Variants in SAG observed in about 807,000 individuals in gnomAD.
SAG encodes S-antigen visual arrestin.
A neutral mutation model predicts 55.0 loss-of-function variants in SAG; 45 were observed. That is an observed-to-expected ratio of 0.82 (90% CI 0.64 to 1.05). The LOEUF (loss-of-function observed/expected upper bound fraction) is 1.05. Ranked by LOEUF, SAG falls within the 50% of genes least tolerant of loss-of-function variation. The pLI is 0.00. For missense variants in SAG, 455 were observed against 512.1 expected, an observed-to-expected ratio of 0.89 and a Z score of 1.08; for synonymous variants, 189 against 197.4, an observed-to-expected ratio of 0.96 and a Z score of 0.36.
intron 2 of SAG, among the ~76,000 whole-genome samples, chr2:233,313,369 G>T (rs533232217): frequency 6.6e-6 from 1 of 152,330 alleles, no homozygotes; most frequent in African/African-American, 2.4e-5. Context: ...TGTTAGAGAG[G>T]ATGCTCTCAG....
intron 5 of SAG, among the ~76,000 whole-genome samples, chr2:233,321,986 TACACACACACACACACACACACACAC>T (rs57822347): frequency 1.1e-4 from 15 of 133,264 alleles, no homozygotes; most frequent in South Asian, 2.5e-4. Context: ...CTACTAAAAA[TACACACACACACACACACACACACAC>T]ACACACACAC....
At chr2:233,312,113 C>G (rs1310685227) in intron 2 of SAG, among the ~76,000 whole-genome samples, 2 of 152,078 alleles carry the variant, frequency 1.3e-5, no homozygotes, top group Admixed American at 1.3e-4. Flanking sequence ...GCAACAAGAG[C>G]GAAACTCTGT....
At chr2:233,346,456 T>G (rs767236490) in intron 15 of SAG, 44 bp downstream of exon 15, 1 of 1,603,898 alleles carries the variant, frequency 6.2e-7, no homozygotes, top group Admixed American at 1.7e-5. Context: ...TCCTATGCTC[T>G]GGGACCTTCT....
intron 12 of SAG, among the ~76,000 whole-genome samples, chr2:233,339,218 G>A (rs1701026674): frequency 6.6e-6 from 1 of 152,208 alleles, no homozygotes; most frequent in African/African-American, 2.4e-5. Context: ...TCATACAAGA[G>A]TGCCAATATC....
At chr2:233,315,879 T>A (rs952351291) in intron 2 of SAG, among the ~76,000 whole-genome samples, 196 bp from the exon 3 acceptor site, 23 of 150,754 alleles carry the variant, frequency 1.5e-4, no homozygotes, top group African/African-American at 4.6e-4. Context: ...ATTTTTATAT[T>A]TTTTTTTAGT....
chr2:233,320,769 G>A lies in SAG; in HGVS notation c.321G>A (p.Leu107=), dbSNP rs59676190. 2.5e-6 allele frequency: 4 copies of A among 1,606,636 alleles called. No individual in the cohort carries two copies. Among genetic ancestry groups the A allele is most frequent in the Non-Finnish European group, 3.4e-6 (4 of 1,176,692 alleles). Residue 107 remains leucine, a synonymous_variant, in exon 5 of 16, where the codon CTG becomes CTA. Transcript: ENST00000409110. ...GGGCCGCGAGCACCCCCACAAAACT[G>A]CAAGAGAGCCTGCTTAAAAAGCTGG... ...PVGAASTPTK[L]QESLLKKLGS... is the part of the protein sequence containing the mutation.
intron 14 of SAG, 28 bp from the exon 15 acceptor site, chr2:233,346,375 C>G: frequency 1.2e-6 from 2 of 1,612,658 alleles, no homozygotes; most frequent in Non-Finnish European, 1.7e-6. Context: ...TCCCTCTTCC[C>G]TGCCTCCCTT....
intron 4 of SAG, 184 bp downstream of exon 4, chr2:233,318,979 C>T: frequency 1.4e-6 from 1 of 722,708 alleles, no homozygotes; most frequent in South Asian, 1.5e-5. Flanking sequence ...GACATAGGTC[C>T]TGTTGACACC....
At chr2:233,317,866 A>G (rs1301051020) in intron 3 of SAG, among the ~76,000 whole-genome samples, 4 of 152,204 alleles carry the variant, frequency 2.6e-5, no homozygotes. Context: ...GATGTTTGCA[A>G]TGTATAATTG....
At position 233,317,830 on chromosome 2, in the gene SAG, T is replaced by C. The variant is rs190262107; in HGVS notation, c.137-921T>C. 2.3e-3 allele frequency among the ~76,000 whole-genome samples: 355 copies of C among 152,336 alleles called. 2 individuals carry two copies. Among genetic ancestry groups the C allele is most frequent in the Non-Finnish European group, 3.5e-3 (237 of 68,032 alleles). On this transcript the variant is annotated intron_variant, in intron 3 of 15. Transcript: ENST00000409110. ...GTGTGTATATATATACGTGTGTGTA[T>C]AGATGTATGTATGTGAGTATGAATA...
At chr2:233,322,845 T>G in intron 5 of SAG, 101 bp from the exon 6 acceptor site, 2 of 782,078 alleles carry the variant, frequency 2.6e-6, no homozygotes, top group Non-Finnish European at 4.2e-6. Context: ...TTCTTTTTTC[T>G]TGCTTATCAT....
chr2:233,342,228 G>GT (rs758032441), intron 13 of SAG, 43 bp from the exon 14 acceptor site: 4 of 1,463,952 alleles, frequency 2.7e-6, no homozygotes, highest in Non-Finnish European at 2.8e-6. Flanking sequence ...ACTTACAATT[G>GT]TGTGTATGGG....
chr2:233,318,331 A>T (rs1413071444), intron 3 of SAG, among the ~76,000 whole-genome samples: 1 of 145,840 alleles, frequency 6.9e-6, no homozygotes, highest in Non-Finnish European at 1.5e-5. Flanking sequence ...CACCCAGCTA[A>T]TTTTTTTTTT....
chr2:233,308,481 A>C (rs1286655879), intron 1 of SAG, among the ~76,000 whole-genome samples: 3 of 152,024 alleles, frequency 2.0e-5, no homozygotes, highest in African/African-American at 4.8e-5. Flanking sequence ...AAAAAAAAAA[A>C]ACCTCAGAGT....
Position 233,346,919 on chromosome 2 carries a change from C to A in SAG, c.*7C>A. On this transcript the variant is annotated 3_prime_UTR_variant, in exon 16 of 16. Transcript: ENST00000409110. ...GAATGACGTTGATGAGTGAAGATGT[C>A]GGCTCAGGATGCCGGAAAATGACCT... 2 of 1,552,386 alleles carry A rather than the reference C, an allele frequency of 1.3e-6. No individual in the cohort carries two copies. Among genetic ancestry groups the A allele is most frequent in the Non-Finnish European group, 1.8e-6 (2 of 1,126,794 alleles).
rs190853693 is a variant in SAG at position 233,328,553 on chromosome 2, G to A, written c.588G>A (p.Ala196=). ...TGGGTCCCCAGCCCCGAGCTGAGGC[G>A]GCCTGGCAGTTCTTCATGTCTGACA... ...LEMGPQPRAE[A]AWQFFMSDKP... The change falls in exon 8 of 16, where the codon GCG becomes GCA. Residue 196 remains alanine (A), a synonymous_variant. Coordinates refer to ENST00000409110, the MANE Select transcript of SAG (RefSeq NM_000541.5). 568 of 1,613,916 alleles carry A rather than the reference G, an allele frequency of 3.5e-4. 1 individual carries two copies. In the African/African-American group the frequency reaches 6.5e-3, roughly 18 times the overall value.
chr2:233,344,790 G>A (rs1701203355), intron 14 of SAG: 1 of 152,234 alleles, frequency 6.6e-6, no homozygotes, highest in Non-Finnish European at 1.5e-5. Flanking sequence ...GTTAAGCCCT[G>A]CTGGAGCCTG....
chr2:233,322,127 C>T (rs1700402590), intron 5 of SAG, among the ~76,000 whole-genome samples: 1 of 138,014 alleles, frequency 7.2e-6, no homozygotes, highest in African/African-American at 2.8e-5. Context: ...GCAGAGCTTG[C>T]AGTGAGCTAG....
intron 9 of SAG, among the ~76,000 whole-genome samples, chr2:233,330,498 T>C (rs1019431530): frequency 8.4e-5 from 12 of 143,416 alleles, no homozygotes; most frequent in Non-Finnish European, 1.2e-4. Flanking sequence ...CCTTCCTTCC[T>C]TCCTTCCTTC....
Sources: gnomAD v4.1 joint callset for allele counts (sites outside exome capture counted in the v4.1 genomes callset) on GRCh38, gnomAD v4.1.1 for gene constraint, MANE v1.5 for transcripts, NCBI Gene and HGNC (gene_info 2026-07-23, HGNC 2026-07-21) for gene names.